Variants in CNTN5 observed in about 807,000 individuals in gnomAD.
CNTN5 encodes contactin 5.
CNTN5 carries 77 observed loss-of-function variants against 129.1 expected under a neutral mutation model. That is an observed-to-expected ratio of 0.60 (90% CI 0.50 to 0.72). CNTN5 has a LOEUF of 0.72. Among genes scored for constraint, CNTN5 ranks in the 30% least tolerant of loss-of-function variants. The pLI, the probability that CNTN5 is intolerant of heterozygous loss-of-function variation, is 0.00. For synonymous variants in CNTN5, 509 were observed against 465.6 expected, an observed-to-expected ratio of 1.09 and a Z score of -1.20; for missense variants, 1,478 against 1,328.8, an observed-to-expected ratio of 1.11 and a Z score of -1.75.
chr11:100,114,201 G>C (rs1187484632), intron 13 of CNTN5, among the ~76,000 whole-genome samples: 1 of 152,028 alleles, frequency 6.6e-6, no homozygotes, highest in Non-Finnish European at 1.5e-5. Flanking sequence ...ATCTTTGTGA[G>C]ACAACATCAA....
chr11:99,886,959 A>G (rs1341427861), intron 6 of CNTN5, among the ~76,000 whole-genome samples: 3 of 152,152 alleles, frequency 2.0e-5, no homozygotes, highest in Non-Finnish European at 2.9e-5. Context: ...GGAGGAATAT[A>G]AAAGATAGGA....
At chr11:100,189,750 C>T (rs1948416353) in intron 13 of CNTN5, among the ~76,000 whole-genome samples, 2 of 152,046 alleles carry the variant, frequency 1.3e-5, no homozygotes. Flanking sequence ...ATCTTGAATG[C>T]ATTACATTAC....
At chr11:100,045,028 C>A (rs1480616566) in intron 9 of CNTN5, among the ~76,000 whole-genome samples, 1 of 152,024 alleles carries the variant, frequency 6.6e-6, no homozygotes, top group Non-Finnish European at 1.5e-5. Context: ...AGTTTTCTCT[C>A]CTACTGCAAG....
intron 1 of CNTN5, among the ~76,000 whole-genome samples, chr11:99,133,987 GCAAAGACATGGAAT>G (rs1455212456): frequency 6.6e-6 from 1 of 152,120 alleles, no homozygotes; most frequent in African/African-American, 2.4e-5. Context: ...ATTTACAATA[GCAAAGACATGGAAT>G]CAAATGCCTA....
At position 99,941,017 on chromosome 11, in the gene CNTN5, G is replaced by C. The variant is rs558015244; in HGVS notation, c.674-15789G>C. Among the ~76,000 whole-genome samples, 58 of 152,034 alleles carry C rather than the reference G, an allele frequency of 3.8e-4. 1 individual carries two copies. Among genetic ancestry groups the C allele is most frequent in the African/African-American group, 1.4e-3 (57 of 41,496 alleles). On this transcript the variant is annotated intron_variant, in intron 7 of 24. Coordinates refer to ENST00000524871, the MANE Select transcript of CNTN5 (RefSeq NM_014361.4). ...TTGAAAAAGGTAGGGAAAAACATTGGGACATAGAAATGTGCTTACAGGTCT... is the reference window on the plus strand; with the variant it reads ...TTGAAAAAGGTAGGGAAAAACATTGCGACATAGAAATGTGCTTACAGGTCT...
rs12418720 is a variant in CNTN5, at chr11:99,336,069, G to A, written c.-71+10585G>A. ...AAAAACTTTTTGTTTTTAGATTGCT[G>A]ATTTAGCCTTTAATTTATCGGAGGG... On this transcript the variant is annotated intron_variant, in intron 2 of 24. Transcript: ENST00000524871. Among the ~76,000 whole-genome samples the A allele has an allele frequency of 0.024, 3,679 of 152,096 alleles. 320 individuals are homozygous for A. In the East Asian group the frequency reaches 0.24, roughly 10 times the overall value.
chr11:99,888,931 T>C (rs1471366166), intron 6 of CNTN5, among the ~76,000 whole-genome samples: 1 of 152,136 alleles, frequency 6.6e-6, no homozygotes, highest in East Asian at 1.9e-4. Context: ...CAGTTTTGAG[T>C]TGTCAAGAGG....
At chr11:100,110,487 T>C (rs1945617626) in intron 13 of CNTN5, among the ~76,000 whole-genome samples, 1 of 152,156 alleles carries the variant, frequency 6.6e-6, no homozygotes, top group Non-Finnish European at 1.5e-5. Flanking sequence ...AAGATACATT[T>C]CAGTTCATGA....
At chr11:99,619,982 T>G (rs1178324503) in intron 3 of CNTN5, among the ~76,000 whole-genome samples, 2 of 125,858 alleles carry the variant, frequency 1.6e-5, no homozygotes, top group South Asian at 2.5e-4. Flanking sequence ...GCCGAGATCG[T>G]GCCACTGCAC....
chr11:99,035,117 G>T (rs2135110478), intron 1 of CNTN5, among the ~76,000 whole-genome samples: 1 of 151,170 alleles, frequency 6.6e-6, no homozygotes, highest in Non-Finnish European at 1.5e-5. Flanking sequence ...TAGTTTGATT[G>T]CACTGTGGTC....
intron 21 of CNTN5, among the ~76,000 whole-genome samples, chr11:100,328,172 G>A (rs1281308112): frequency 5.4e-5 from 8 of 147,014 alleles, no homozygotes; most frequent in Admixed American, 2.8e-4. Context: ...GCAACATAGC[G>A]AGACCATGTC....
At position 99,831,624 on chromosome 11, in the gene CNTN5, T is replaced by G. The variant is rs560043364; in HGVS notation, c.277+11859T>G. Among the ~76,000 whole-genome samples the G allele has an allele frequency of 3.0e-3, 462 of 152,138 alleles. 3 individuals carry two copies. Among genetic ancestry groups the G allele is most frequent in the African/African-American group, 9.6e-3 (399 of 41,512 alleles). ...TGCCAGTGACCATAACTTTTTTTTT[T>G]GGTGCAAATTTGGCTTAAGGAAGTG... On this transcript the variant is annotated intron_variant, in intron 4 of 24. Transcript: ENST00000524871.
chr11:99,073,190 A>AT (rs1011280106), intron 1 of CNTN5, among the ~76,000 whole-genome samples: 3 of 151,106 alleles, frequency 2.0e-5, no homozygotes, highest in Non-Finnish European at 3.0e-5. Context: ...ATTCTTGTAA[A>AT]TTTTTTTTTG....
intron 17 of CNTN5, among the ~76,000 whole-genome samples, chr11:100,270,022 C>A (rs528844719): frequency 6.6e-6 from 1 of 152,306 alleles, no homozygotes; most frequent in East Asian, 1.9e-4. Context: ...AAGCGTACTG[C>A]TCAGTTGCCA....
At chr11:99,054,823 T>A (rs1346211444) in intron 1 of CNTN5, among the ~76,000 whole-genome samples, 2 of 151,924 alleles carry the variant, frequency 1.3e-5, no homozygotes, top group African/African-American at 4.8e-5. Flanking sequence ...TTGAATAATA[T>A]GTTTTTCTAA....
At chr11:99,522,372 A>C (rs1300154557) in intron 2 of CNTN5, among the ~76,000 whole-genome samples, 2 of 152,176 alleles carry the variant, frequency 1.3e-5, no homozygotes, top group African/African-American at 4.8e-5. Flanking sequence ...TTGAAGTATC[A>C]GGAACTAAGT....
rs141717629 is a variant in CNTN5, at chr11:99,908,729, A to T, written c.578-7325A>T. On this transcript the variant is annotated intron_variant, in intron 6 of 24. Transcript: ENST00000524871. ...TTTTGTAACACATGAAATACAGGAG[A>T]AAAGACCTAAGATCAAAAATATTTT... 3.6e-3 allele frequency among the ~76,000 whole-genome samples: 545 copies of T among 152,190 alleles called. 6 individuals are homozygous for T. Among genetic ancestry groups the T allele is most frequent in the African/African-American group, 0.012 (487 of 41,564 alleles).
At chr11:99,488,725 A>G (rs934564380) in intron 2 of CNTN5, among the ~76,000 whole-genome samples, 31 of 152,308 alleles carry the variant, frequency 2.0e-4, no homozygotes, top group Middle Eastern at 6.8e-3. Flanking sequence ...AACAAAATTG[A>G]TGAGAATCTA....
chr11:100,039,883 A>G (rs541918090), intron 9 of CNTN5, among the ~76,000 whole-genome samples: 3 of 152,120 alleles, frequency 2.0e-5, no homozygotes, highest in Admixed American at 2.0e-4. Context: ...ACTTTTTTTC[A>G]AAGCTTTCAA....
Sources: gnomAD v4.1 joint callset for allele counts (sites outside exome capture counted in the v4.1 genomes callset) on GRCh38, gnomAD v4.1.1 for gene constraint, MANE v1.5 for transcripts, NCBI Gene and HGNC (gene_info 2026-07-23, HGNC 2026-07-21) for gene names.